Variants in CACNG3 observed in about 807,000 individuals in gnomAD.
CACNG3 encodes calcium voltage-gated channel auxiliary subunit gamma 3.
CACNG3 carries 3 observed loss-of-function variants against 28.5 expected under a neutral mutation model. The ratio of observed to expected loss-of-function variants is 0.11; its 90% CI spans 0.05 to 0.27. CACNG3 has a LOEUF of 0.27. CACNG3 is among the 10% of genes least tolerant of loss of function. The pLI, the probability that CACNG3 is intolerant of heterozygous loss-of-function variation, is 1.00. For synonymous variants in CACNG3, 174 were observed against 162.2 expected, an observed-to-expected ratio of 1.07 and a Z score of -0.55; for missense variants, 236 against 414.4, an observed-to-expected ratio of 0.57 and a Z score of 3.74.
intron 1 of CACNG3, among the ~76,000 whole-genome samples, chr16:24,303,444 A>G (rs1211310189): frequency 2.0e-5 from 3 of 151,706 alleles, no homozygotes; most frequent in African/African-American, 7.3e-5. Flanking sequence ...CCTGCCTCAG[A>G]CTCCTAAAGT....
chr16:24,301,043 CAAAAAAAA>C (rs71381659), intron 1 of CACNG3, among the ~76,000 whole-genome samples: 12 of 104,674 alleles, frequency 1.1e-4, no homozygotes, highest in African/African-American at 4.2e-4. Context: ...GGCTCCATCT[CAAAAAAAA>C]AAAAAAAAAA....
Position 24,354,827 on chromosome 16 carries a change from C to T in CACNG3, c.296-6C>T, listed in dbSNP as rs746166007. The T allele has an allele frequency of 1.9e-6, 3 of 1,611,778 alleles. No individual in the cohort carries two copies. In the Admixed American group the frequency reaches 5.0e-5, roughly 27 times the overall value. On this transcript the variant is annotated splice_polypyrimidine_tract_variant and splice_region_variant and intron_variant, in intron 2 of 3. Coordinates refer to ENST00000005284, the MANE Select transcript of CACNG3 (RefSeq NM_006539.4). Reference sequence around the variant, plus strand: ...CAGGCAGAAGCCTCTCTCCTTCTCTCCGCAGGAGCTGTGAGGGCCTCCAGT... The same window carrying T: ...CAGGCAGAAGCCTCTCTCCTTCTCTTCGCAGGAGCTGTGAGGGCCTCCAGT...
intron 1 of CACNG3, among the ~76,000 whole-genome samples, chr16:24,297,571 A>G (rs556072745): frequency 6.6e-6 from 1 of 152,174 alleles, no homozygotes; most frequent in East Asian, 1.9e-4. Context: ...AGAACCTACT[A>G]CCTGCCAGGC....
chr16:24,259,138 C>T (rs377479961), intron 1 of CACNG3, among the ~76,000 whole-genome samples: 2 of 152,360 alleles, frequency 1.3e-5, no homozygotes, highest in African/African-American at 4.8e-5. Flanking sequence ...AAATGTGTTG[C>T]AGTCCCCATA....
chr16:24,269,398 T>C (rs939484141), intron 1 of CACNG3, among the ~76,000 whole-genome samples: 2 of 152,148 alleles, frequency 1.3e-5, no homozygotes, highest in Non-Finnish European at 2.9e-5. Context: ...CTCCTATAAT[T>C]CCAGCCTCAA....
intron 1 of CACNG3, among the ~76,000 whole-genome samples, chr16:24,319,192 C>T (rs181339230): frequency 9.9e-5 from 15 of 152,060 alleles, no homozygotes; most frequent in Admixed American, 7.9e-4. Context: ...AAGAAAATGA[C>T]GTTTATTAGG....
intron 1 of CACNG3, among the ~76,000 whole-genome samples, chr16:24,260,156 C>T (rs990317388): frequency 6.6e-6 from 1 of 152,158 alleles, no homozygotes; most frequent in Non-Finnish European, 1.5e-5. Flanking sequence ...CCAAGTTTAC[C>T]TTGTAGCTGA....
chr16:24,310,262 C>T (rs771503427), intron 1 of CACNG3, among the ~76,000 whole-genome samples: 10 of 152,150 alleles, frequency 6.6e-5, no homozygotes, highest in Non-Finnish European at 1.2e-4. Context: ...ATGAAAATAG[C>T]TCTTATTTAA....
intron 1 of CACNG3, among the ~76,000 whole-genome samples, chr16:24,301,554 C>G (rs1899112137): frequency 2.0e-5 from 3 of 152,128 alleles, no homozygotes; most frequent in African/African-American, 7.2e-5. Context: ...AGGACTTCAG[C>G]CTGCCCAGTG....
intron 1 of CACNG3, among the ~76,000 whole-genome samples, chr16:24,332,096 T>C (rs756939508): frequency 1.3e-5 from 2 of 152,212 alleles, no homozygotes; most frequent in African/African-American, 2.4e-5. Flanking sequence ...TGTTCACTGA[T>C]AAATTTCAAG....
chr16:24,324,345 G>A (rs1652483100), intron 1 of CACNG3, among the ~76,000 whole-genome samples: 1 of 152,050 alleles, frequency 6.6e-6, no homozygotes, highest in African/African-American at 2.4e-5. Flanking sequence ...TAATTTCCTT[G>A]CTAAATCTGC....
At chr16:24,257,388 A>G (rs1177239531) in intron 1 of CACNG3, among the ~76,000 whole-genome samples, 60 of 114,726 alleles carry the variant, frequency 5.2e-4, no homozygotes, top group Non-Finnish European at 8.3e-4. Flanking sequence ...AGAGAGAGAG[A>G]GAGAGAGAGA....
In CACNG3 at chr16:24,361,897, A is replaced by C. The variant is rs773670781; in HGVS notation, c.*34A>C. On this transcript the variant is annotated 3_prime_UTR_variant, in exon 4 of 4. Coordinates refer to ENST00000005284, the MANE Select transcript of CACNG3 (RefSeq NM_006539.4). This position sits in a 1 kb window ranked among gnomAD's most constrained non-coding sequence, Gnocchi z 6.8. ...CTGACCTCTGCCCCACGCCCAGCAC[A>C]GCCTTGGGGGAAGTGTACAGAGATG... is the stretch of plus-strand genomic sequence containing the variant. 129 of 1,566,768 alleles carry C rather than the reference A, an allele frequency of 8.2e-5. No individual in the cohort carries two copies. The South Asian group carries it at 1.1e-3, about 13-fold the overall frequency.
intron 1 of CACNG3, among the ~76,000 whole-genome samples, chr16:24,285,597 T>C (rs1898882141): frequency 6.6e-6 from 1 of 152,112 alleles, no homozygotes; most frequent in Admixed American, 6.5e-5. Context: ...TTTAAGAGGC[T>C]GAGGCAGGAG....
chr16:24,360,207 T>C (rs546329265), intron 3 of CACNG3, among the ~76,000 whole-genome samples: 10 of 151,996 alleles, frequency 6.6e-5, no homozygotes, highest in African/African-American at 1.9e-4. Flanking sequence ...TGAGTCATTG[T>C]TGGCACCATG....
intron 1 of CACNG3, among the ~76,000 whole-genome samples, chr16:24,260,714 A>G (rs1011857367): frequency 2.0e-5 from 3 of 152,216 alleles, no homozygotes; most frequent in African/African-American, 4.8e-5. Context: ...GGGATGCAGG[A>G]GACACCAGAC....
chr16:24,316,918 C>T (rs1047559490), intron 1 of CACNG3, among the ~76,000 whole-genome samples: 1 of 152,198 alleles, frequency 6.6e-6, no homozygotes, highest in Admixed American at 6.5e-5. Flanking sequence ...TAAATAACTT[C>T]CACGAGTGTT....
At chr16:24,261,827 C>A (rs1898540723) in intron 1 of CACNG3, among the ~76,000 whole-genome samples, 1 of 152,192 alleles carries the variant, frequency 6.6e-6, no homozygotes, top group Admixed American at 6.5e-5. Flanking sequence ...ATTAGAAGTT[C>A]TCCCATATTT....
chr16:24,257,368 GGAGAGAGAGAGA>G (rs71154293), intron 1 of CACNG3, among the ~76,000 whole-genome samples: 1,564 of 52,842 alleles, frequency 0.03, 365 homozygotes, highest in African/African-American at 0.064. Context: ...AAGTGAGGGG[GGAGAGAGAGAGA>G]GAGAGAGAGA....
Sources: gnomAD v4.1 joint callset for allele counts (sites outside exome capture counted in the v4.1 genomes callset) on GRCh38, gnomAD v4.1.1 for gene constraint, Gnocchi (gnomAD v3.1) non-coding constraint, MANE v1.5 for transcripts, NCBI Gene and HGNC (gene_info 2026-07-23, HGNC 2026-07-21) for gene names.